CNTNAP5: variants seen among roughly 807,000 people sequenced by gnomAD.
CNTNAP5 encodes the protein contactin-associated protein-like 5.
A neutral mutation model predicts 150.2 loss-of-function variants in CNTNAP5; 72 were observed. The ratio of observed to expected loss-of-function variants is 0.48; its 90% confidence interval spans 0.40 to 0.58. CNTNAP5 has a LOEUF of 0.58. Among genes scored for constraint, CNTNAP5 ranks in the 20% least tolerant of loss-of-function variants. The pLI, the probability that CNTNAP5 is intolerant of heterozygous loss-of-function variation, is 0.00. For missense variants in CNTNAP5, 1,636 were observed against 1,626.2 expected, an observed-to-expected ratio of 1.01 and a Z score of -0.10; for synonymous variants, 672 against 619.8, an observed-to-expected ratio of 1.08 and a Z score of -1.25.
intron 3 of CNTNAP5, among the ~76,000 whole-genome samples, chr2:124,346,565 C>T (rs1689741284): frequency 6.6e-6 from 1 of 152,046 alleles, no homozygotes; most frequent in South Asian, 2.1e-4. Context: ...CTATTGATTG[C>T]AATTTAAAAA....
At position 124,580,138 on chromosome 2, in the gene CNTNAP5, T is replaced by C. The variant is rs538888621; in HGVS notation, c.1756+16815T>C. On this transcript the variant is annotated intron_variant, in intron 11 of 23. Coordinates refer to ENST00000682447, the MANE Select transcript of CNTNAP5 (RefSeq NM_001367498.1). ...ACTATTCTGCTATTTCCCAGTGGGTTTCAAGACTAAATAAGTACATTGACA... is the reference window on the plus strand; with the variant it reads ...ACTATTCTGCTATTTCCCAGTGGGTCTCAAGACTAAATAAGTACATTGACA... 2.6e-5 allele frequency among the ~76,000 whole-genome samples: 4 copies of C among 152,320 alleles called. No individual in the cohort carries two copies. In the South Asian group the frequency reaches 8.3e-4, roughly 32 times the overall value.
intron 1 of CNTNAP5, among the ~76,000 whole-genome samples, chr2:124,079,948 G>A (rs934516976): frequency 2.0e-4 from 31 of 152,154 alleles, no homozygotes; most frequent in African/African-American, 7.0e-4. Flanking sequence ...AAGAATAAAT[G>A]AATTGCTACT....
At chr2:124,610,429 T>A (rs1005796701) in intron 12 of CNTNAP5, among the ~76,000 whole-genome samples, 20 of 152,164 alleles carry the variant, frequency 1.3e-4, no homozygotes, top group African/African-American at 4.8e-4. Context: ...ATCATGTGTA[T>A]TGGAGCAGCT....
chr2:124,292,449 T>A (rs905932174), intron 3 of CNTNAP5, among the ~76,000 whole-genome samples: 1 of 152,148 alleles, frequency 6.6e-6, no homozygotes, highest in Non-Finnish European at 1.5e-5. Context: ...AATTTAATTT[T>A]AAAAACCCAT....
intron 1 of CNTNAP5, among the ~76,000 whole-genome samples, chr2:124,060,387 G>A (rs962520562): frequency 2.0e-5 from 3 of 152,168 alleles, no homozygotes; most frequent in Non-Finnish European, 2.9e-5. Flanking sequence ...CAGATTGGGG[G>A]ACCGATAAAA....
intron 3 of CNTNAP5, among the ~76,000 whole-genome samples, chr2:124,346,520 C>T (rs1176706861): frequency 6.6e-6 from 1 of 152,084 alleles, no homozygotes; most frequent in Non-Finnish European, 1.5e-5. Flanking sequence ...TTTAATAGTG[C>T]TATCTAATTC....
intron 11 of CNTNAP5, among the ~76,000 whole-genome samples, chr2:124,585,137 C>T (rs897660338): frequency 1.3e-5 from 2 of 152,142 alleles, no homozygotes; most frequent in African/African-American, 4.8e-5. Context: ...CTGTTTTTCT[C>T]ACTCACACTG....
chr2:124,486,835 A>G (rs1693892408), intron 7 of CNTNAP5, among the ~76,000 whole-genome samples: 1 of 152,224 alleles, frequency 6.6e-6, no homozygotes, highest in Non-Finnish European at 1.5e-5. Flanking sequence ...CATGTAATTT[A>G]TTACATTAAA....
Position 124,609,780 on chromosome 2 carries a change from CT to C in CNTNAP5, c.1757-20del. The C allele has an allele frequency of 6.2e-7, 1 of 1,612,030 alleles. No homozygotes were observed. Among genetic ancestry groups the C allele is most frequent in the Non-Finnish European group, 8.5e-7 (1 of 1,178,480 alleles). ...TGCAGAGCCAAGCAAAGTTTTATCT[CT>C]GCTGCCTTTGTCTTTCCAGCCATCT... On this transcript the variant is annotated intron_variant, in intron 11 of 23. Transcript: ENST00000682447.
intron 11 of CNTNAP5, among the ~76,000 whole-genome samples, chr2:124,579,992 G>A (rs575369047): frequency 6.6e-6 from 1 of 152,300 alleles, no homozygotes; most frequent in South Asian, 2.1e-4. Flanking sequence ...GAAATACATA[G>A]ATCCTAGAAC....
intron 1 of CNTNAP5, among the ~76,000 whole-genome samples, chr2:124,082,677 A>G (rs1182604814): frequency 6.6e-6 from 1 of 152,214 alleles, no homozygotes; most frequent in Non-Finnish European, 1.5e-5. Context: ...AAGAAGTACA[A>G]TTGTTGGGCC....
At chr2:124,551,079 C>T (rs1355585749) in intron 10 of CNTNAP5, among the ~76,000 whole-genome samples, 1 of 152,092 alleles carries the variant, frequency 6.6e-6, no homozygotes, top group Non-Finnish European at 1.5e-5. Flanking sequence ...CTTTTCTGTT[C>T]AGTGGCCTTC....
At chr2:124,238,910 C>T (rs1049656146) in intron 2 of CNTNAP5, among the ~76,000 whole-genome samples, 1 of 152,204 alleles carries the variant, frequency 6.6e-6, no homozygotes, top group African/African-American at 2.4e-5. Flanking sequence ...CCCTGGGTGT[C>T]TTCCCTATTA....
At chr2:124,628,136 C>T (rs2105005642) in intron 12 of CNTNAP5, among the ~76,000 whole-genome samples, 1 of 152,262 alleles carries the variant, frequency 6.6e-6, no homozygotes. Flanking sequence ...AGTTGTAAAA[C>T]ACACTTCAGT....
In CNTNAP5 at chr2:124,504,469, T is replaced by A. The variant is rs1171413509; in HGVS notation, c.1240T>A (p.Ser414Thr). ...TCTGTCCACAGAGCTGTCTGAGGGCTCGGGAACCCTGCTGCTGAGCCTGGA... is the reference window on the plus strand; with the variant it reads ...TCTGTCCACAGAGCTGTCTGAGGGCACGGGAACCCTGCTGCTGAGCCTGGA... The part of the protein sequence containing the change: ...LLLSTELSEG[S>T]GTLLLSLEGG... Residue 414 changes from serine (S) to threonine (T), a missense_variant, in exon 8 of 24, where the codon TCG (serine) becomes ACG (threonine). Physicochemically the swap from Ser to Thr is moderately conservative, Grantham distance 58. Transcript: ENST00000682447. The A allele has an allele frequency of 6.2e-7, 1 of 1,613,756 alleles. No homozygotes were observed.
intron 17 of CNTNAP5, among the ~76,000 whole-genome samples, chr2:124,787,474 G>C (rs1466230308): frequency 1.3e-5 from 2 of 152,104 alleles, no homozygotes; most frequent in Non-Finnish European, 2.9e-5. Flanking sequence ...TAAAATAATT[G>C]AACACATATT....
chr2:124,493,779 A>T (rs1012173594), intron 7 of CNTNAP5, among the ~76,000 whole-genome samples: 3 of 152,048 alleles, frequency 2.0e-5, no homozygotes, highest in Non-Finnish European at 4.4e-5. Flanking sequence ...TTCCCTTCAC[A>T]CACACTTGCT....
intron 6 of CNTNAP5, among the ~76,000 whole-genome samples, chr2:124,466,132 G>GTTTA (rs1265640896): frequency 6.6e-6 from 1 of 151,816 alleles, no homozygotes; most frequent in Non-Finnish European, 1.5e-5. Context: ...TGCCCTCTTT[G>GTTTA]TTTATTTATT....
intron 11 of CNTNAP5, among the ~76,000 whole-genome samples, chr2:124,593,296 C>T (rs1206633549): frequency 7.6e-6 from 1 of 131,594 alleles, no homozygotes; most frequent in African/African-American, 2.8e-5. Flanking sequence ...TCCCACCTCC[C>T]CACCACAGTC....
Sources: allele counts gnomAD v4.1 joint callset (sites outside exome capture counted in the v4.1 genomes callset), GRCh38; gene constraint gnomAD v4.1.1; transcripts MANE v1.5; gene names NCBI Gene and HGNC (gene_info 2026-07-23, HGNC 2026-07-21).